The following GRM7 variants were observed in gnomAD, a reference collection of about 807,000 sequenced individuals.
GRM7 encodes the protein glutamate metabotropic receptor 7.
A neutral mutation model predicts 84.5 loss-of-function variants in GRM7; 35 were observed. That is an observed-to-expected ratio of 0.41 (90% confidence interval 0.32 to 0.55). The LOEUF is 0.55. Among genes scored for constraint, GRM7 ranks in the 20% least tolerant of loss-of-function variants. GRM7 has a pLI of 0.19. For synonymous variants in GRM7, 487 were observed against 455.1 expected, an observed-to-expected ratio of 1.07 and a Z score of -0.89; for missense variants, 1,003 against 1,194.6, an observed-to-expected ratio of 0.84 and a Z score of 2.36.
intron 2 of GRM7, among the ~76,000 whole-genome samples, chr3:7,185,152 C>T (rs1380202811): frequency 6.6e-6 from 1 of 152,064 alleles, no homozygotes; most frequent in East Asian, 1.9e-4. Context: ...AATGCGACCA[C>T]CATGGCCTTA....
At chr3:7,553,958 C>A (rs922713334) in intron 7 of GRM7, among the ~76,000 whole-genome samples, 2 of 152,050 alleles carry the variant, frequency 1.3e-5, no homozygotes, top group African/African-American at 4.8e-5. Flanking sequence ...AGATTAAGTT[C>A]CCAATTTGTT....
At chr3:7,124,867 A>G (rs1056019936) in intron 1 of GRM7, among the ~76,000 whole-genome samples, 1 of 152,158 alleles carries the variant, frequency 6.6e-6, no homozygotes, top group Non-Finnish European at 1.5e-5. Context: ...AAATATAGCC[A>G]TGTTCCAGTC....
At chr3:7,210,735 C>G (rs1004016044) in intron 2 of GRM7, among the ~76,000 whole-genome samples, 1 of 151,850 alleles carries the variant, frequency 6.6e-6, no homozygotes, top group African/African-American at 2.4e-5. Flanking sequence ...CTCACACGCT[C>G]TGGGCATGTG....
At chr3:7,674,744 AG>A (rs1397150812) in intron 8 of GRM7, among the ~76,000 whole-genome samples, 1 of 152,246 alleles carries the variant, frequency 6.6e-6, no homozygotes, top group Non-Finnish European at 1.5e-5. Flanking sequence ...GATGGCGGGA[AG>A]CATGCCTGGC....
chr3:7,095,010 G>T (rs759233385), intron 1 of GRM7, among the ~76,000 whole-genome samples: 22 of 149,876 alleles, frequency 1.5e-4, no homozygotes, highest in Non-Finnish European at 1.8e-4. Flanking sequence ...GGGGAGTCTT[G>T]TGGCCCATCC....
intron 1 of GRM7, among the ~76,000 whole-genome samples, chr3:6,920,815 G>T (rs916964037): frequency 6.6e-6 from 1 of 152,038 alleles, no homozygotes; most frequent in African/African-American, 2.4e-5. Context: ...CCTTCTATAT[G>T]AGCTTCTTGT....
intron 4 of GRM7, among the ~76,000 whole-genome samples, chr3:7,412,696 G>A (rs1229675674): frequency 1.3e-5 from 2 of 152,000 alleles, no homozygotes. Context: ...TGTAACCAAT[G>A]GGGCATTTGC....
intron 7 of GRM7, among the ~76,000 whole-genome samples, chr3:7,478,593 TTGA>T (rs1411372128): frequency 3.3e-5 from 5 of 152,188 alleles, no homozygotes; most frequent in Non-Finnish European, 7.4e-5. Flanking sequence ...TCAACAGCTC[TTGA>T]TGAAATAGGG....
chr3:7,082,613 C>A (rs373886998), intron 1 of GRM7, among the ~76,000 whole-genome samples: 24 of 152,092 alleles, frequency 1.6e-4, no homozygotes, highest in African/African-American at 5.8e-4. Context: ...GCTATAGCTG[C>A]CATAGATAGT....
At chr3:7,471,370 A>G (rs541468314) in intron 7 of GRM7, among the ~76,000 whole-genome samples, 66 of 152,142 alleles carry the variant, frequency 4.3e-4, no homozygotes, top group African/African-American at 1.5e-3. Flanking sequence ...GGGAGAATCT[A>G]TTTCTGCTCA....
chr3:7,420,931 A>G (rs1023387151), intron 5 of GRM7, among the ~76,000 whole-genome samples: 4 of 152,218 alleles, frequency 2.6e-5, no homozygotes, highest in African/African-American at 9.6e-5. Flanking sequence ...TCTGAATGTC[A>G]CATCTAAAAT....
chr3:7,185,691 G>T (rs1229210554), intron 2 of GRM7, among the ~76,000 whole-genome samples: 1 of 152,158 alleles, frequency 6.6e-6, no homozygotes, highest in East Asian at 1.9e-4. Flanking sequence ...TGATGCAGAT[G>T]CTTGGGCCTC....
intron 1 of GRM7, among the ~76,000 whole-genome samples, chr3:6,912,045 C>T (rs1420267099): frequency 1.3e-5 from 2 of 152,160 alleles, no homozygotes; most frequent in Non-Finnish European, 2.9e-5. Flanking sequence ...CTCTCCCAAC[C>T]ATGTTCCAAA....
At chr3:7,689,970 A>C (rs1233081765) in intron 9 of GRM7, among the ~76,000 whole-genome samples, 2 of 152,198 alleles carry the variant, frequency 1.3e-5, no homozygotes, top group Admixed American at 1.3e-4. Flanking sequence ...GGTATGTGCC[A>C]AGTGTCACCA....
chr3:7,539,401 G>T (rs2125013763), intron 7 of GRM7, among the ~76,000 whole-genome samples: 1 of 152,208 alleles, frequency 6.6e-6, no homozygotes, highest in Admixed American at 6.5e-5. Context: ...TCTCAGCCAG[G>T]TGTGGTGGCT....
At chr3:7,420,897 A>G (rs1402951853) in intron 5 of GRM7, among the ~76,000 whole-genome samples, 3 of 152,182 alleles carry the variant, frequency 2.0e-5, no homozygotes, top group Non-Finnish European at 4.4e-5. Flanking sequence ...ACCAATTAAT[A>G]TAGGATTCTT....
chr3:7,138,095 T>G (rs982247477), intron 1 of GRM7, among the ~76,000 whole-genome samples: 2 of 152,026 alleles, frequency 1.3e-5, no homozygotes, highest in African/African-American at 4.8e-5. Flanking sequence ...TGCATAAAAG[T>G]GATAATGACA....
intron 2 of GRM7, among the ~76,000 whole-genome samples, chr3:7,207,127 G>A (rs1378163693): frequency 6.6e-6 from 1 of 152,128 alleles, no homozygotes; most frequent in Admixed American, 6.5e-5. Flanking sequence ...AAAAGATGAA[G>A]GAATGCATTC....
intron 2 of GRM7, among the ~76,000 whole-genome samples, chr3:7,190,145 G>A (rs1048535897): frequency 2.0e-5 from 3 of 152,162 alleles, no homozygotes; most frequent in Admixed American, 1.3e-4. Context: ...TGGTGATTAT[G>A]CGCTAGTCAA....
Sources: gnomAD v4.1 joint callset for allele counts (sites outside exome capture counted in the v4.1 genomes callset) on GRCh38, gnomAD v4.1.1 for gene constraint, MANE v1.5 for transcripts, NCBI Gene and HGNC (gene_info 2026-07-23, HGNC 2026-07-21) for gene names.